Variants in CYREN observed in about 807,000 individuals in gnomAD.
The protein encoded by CYREN is cell cycle regulator of NHEJ, also known as cell cycle regulator of non-homologous end joining.
CYREN carries 7 observed loss-of-function variants against 9.7 expected under a neutral mutation model. The observed-to-expected ratio is 0.72, with a 90% confidence interval of 0.41 to 1.36. The LOEUF (loss-of-function observed/expected upper bound fraction) is 1.36. CYREN is among the 40% of genes most tolerant of loss of function. The pLI, the probability that CYREN is intolerant of heterozygous loss-of-function variation, is 0.01. For missense variants in CYREN, 215 were observed against 198.1 expected (o/e 1.09, Z -0.51); for synonymous variants, 76 against 77.9 (o/e 0.98, Z 0.13).
intron 3 of CYREN, 24 bp from the exon 4 acceptor site, chr7:135,166,895 G>T: frequency 6.2e-7 from 1 of 1,606,864 alleles, no homozygotes; most frequent in South Asian, 1.1e-5. Context: ...GAAAACGCAG[G>T]CTCAACATAC....
chr7:135,116,515 C>A (rs1287725163), intron 2 of CYREN, among the ~76,000 whole-genome samples: 1 of 152,160 alleles, frequency 6.6e-6, no homozygotes, highest in Non-Finnish European at 1.5e-5. Flanking sequence ...TGACACCAGC[C>A]CAATGGGGAG....
Position 135,125,115 on chromosome 7 carries a change from GT to G in CYREN, n.357-30534del, listed in dbSNP as rs879248351. Among the ~76,000 whole-genome samples the G allele has an allele frequency of 4.6e-5, 7 of 152,004 alleles. No homozygotes were observed. In the South Asian group the frequency reaches 1.5e-3, roughly 32 times the overall value. On this transcript the variant is annotated intron_variant and non_coding_transcript_variant, in intron 2 of 2. Coordinates refer to the CYREN transcript ENST00000459937. ...CCAAAAATCACTGACTCCAGCAGCT[GT>G]TTTTTTAAAAAAATTAACAAAATAG...
intron 2 of CYREN, chr7:135,115,930 A>C: frequency 5.2e-6 from 1 of 193,294 alleles, no homozygotes; most frequent in Non-Finnish European, 1.1e-5. Flanking sequence ...TTATAATCCT[A>C]TGGGGTAACC....
chr7:135,129,535 C>G (rs1325531074), intron 2 of CYREN: 2 of 772,210 alleles, frequency 2.6e-6, no homozygotes, highest in Non-Finnish European at 4.8e-6. Flanking sequence ...ATGACATGTA[C>G]TGGCTGTATG....
rs769303906 is a variant in CYREN, at chr7:135,168,966, G to A, written c.-44C>T. 9 of 1,497,204 alleles carry A rather than the reference G, an allele frequency of 6.0e-6. No homozygotes were observed. Among genetic ancestry groups the A allele is most frequent in the South Asian group, 1.3e-5 (1 of 75,560 alleles). 92.7% of individuals were successfully genotyped at this position (1,497,204 alleles called of 1,614,324 possible). Reference sequence around the variant, plus strand: ...AGAAGAGTCAGGGCCCAAGCTTAATGACCTGTTTTTTAATTCAGGAAGGTA... The same window carrying A: ...AGAAGAGTCAGGGCCCAAGCTTAATAACCTGTTTTTTAATTCAGGAAGGTA... On this transcript the variant is annotated 5_prime_UTR_variant, in exon 2 of 4. Coordinates refer to ENST00000393114, the MANE Select transcript of CYREN (RefSeq NM_024033.4).
rs761945250 is a variant in CYREN, at chr7:135,167,693, G to A, written c.213+39C>T. On this transcript the variant is annotated intron_variant, in intron 3 of 3. Transcript: ENST00000393114. ...CAAGGGTCTAGCCTCTGCCCATGCAGAGTTTCTGGTCATGAGTAAGAGGCT... is the reference window on the plus strand; with the variant it reads ...CAAGGGTCTAGCCTCTGCCCATGCAAAGTTTCTGGTCATGAGTAAGAGGCT... 19 of 1,612,076 alleles carry A rather than the reference G, an allele frequency of 1.2e-5. No homozygotes were observed. In the East Asian group the frequency reaches 3.8e-4, roughly 32 times the overall value.
intron 2 of CYREN, among the ~76,000 whole-genome samples, chr7:135,125,536 C>G (rs1229644511): frequency 6.6e-6 from 1 of 152,164 alleles, no homozygotes; most frequent in Non-Finnish European, 1.5e-5. Flanking sequence ...CTCCCTAACT[C>G]AATTTATGAA....
At chr7:135,112,167 A>T (rs774781238) in intron 2 of CYREN, among the ~76,000 whole-genome samples, 39 of 152,196 alleles carry the variant, frequency 2.6e-4, no homozygotes, top group Admixed American at 4.6e-4. Flanking sequence ...CCGCTAATTC[A>T]GACCCTCATT....
chr7:135,137,045 G>A (rs996200764), intron 2 of CYREN, among the ~76,000 whole-genome samples: 2 of 151,932 alleles, frequency 1.3e-5, no homozygotes, highest in African/African-American at 4.8e-5. Flanking sequence ...TCCTCCACCT[G>A]GCAGCCCCTA....
At chr7:135,155,287 A>C (rs966257830) in intron 2 of CYREN, among the ~76,000 whole-genome samples, 2 of 152,164 alleles carry the variant, frequency 1.3e-5, no homozygotes, top group African/African-American at 4.8e-5. Context: ...CACTCTGCCA[A>C]TCTGTATCTT....
In CYREN at chr7:135,170,633, T is replaced by G. The variant is rs932736865; in HGVS notation, c.-139+19A>C. 6.6e-6 allele frequency: 1 copy of G among 152,296 alleles called. No individual in the cohort carries two copies. The highest frequency in any genetic ancestry group is 2.4e-5 in the African/African-American group (1 of 41,454). 9.4% of individuals were successfully genotyped at this position (152,296 alleles called of 1,614,324 possible). A position where few individuals can be genotyped will look rare whatever the true frequency, so the allele number is the denominator to read the frequency against. On this transcript the variant is annotated intron_variant, in intron 1 of 3. Coordinates refer to ENST00000393114, the MANE Select transcript of CYREN (RefSeq NM_024033.4). ...AGCCGGGAGGCAAATTCCAAGCGGTTGTGGGACCCACGCCTCACCCGGAAC... is the reference window on the plus strand; with the variant it reads ...AGCCGGGAGGCAAATTCCAAGCGGTGGTGGGACCCACGCCTCACCCGGAAC...
At chr7:135,165,009 T>C, downstream of CYREN, 3 of 1,564,350 alleles carry the variant, frequency 1.9e-6, no homozygotes, top group Non-Finnish European at 2.6e-6. Context: ...AAGGCTTACG[T>C]GATTGCAAGG....
intron 2 of CYREN, among the ~76,000 whole-genome samples, chr7:135,109,464 C>T (rs1457752808): frequency 1.3e-5 from 2 of 152,058 alleles, no homozygotes; most frequent in African/African-American, 4.8e-5. Context: ...GGATGGGGGC[C>T]CACATAACAA....
intron 2 of CYREN, chr7:135,128,553 A>C (rs1190317990): frequency 1.3e-6 from 1 of 768,070 alleles, no homozygotes; most frequent in Non-Finnish European, 2.4e-6. Flanking sequence ...ACCAGGATCT[A>C]TTTGGATTTG....
chr7:135,120,430 AC>A (rs1298726744), intron 2 of CYREN, among the ~76,000 whole-genome samples: 2 of 152,248 alleles, frequency 1.3e-5, no homozygotes, highest in East Asian at 3.8e-4. Flanking sequence ...GTAGTATAAT[AC>A]AGCAACCACT....
intron 2 of CYREN, among the ~76,000 whole-genome samples, chr7:135,095,977 C>A (rs985538508): frequency 1.1e-4 from 16 of 152,110 alleles, no homozygotes; most frequent in African/African-American, 3.9e-4. Flanking sequence ...CATGGTGAAA[C>A]CCTGTCTCTA....
intron 2 of CYREN, among the ~76,000 whole-genome samples, chr7:135,124,656 G>C (rs930282438): frequency 3.3e-5 from 5 of 152,070 alleles, no homozygotes; most frequent in African/African-American, 1.2e-4. Context: ...AAGTAAAACA[G>C]TCCTCAACAA....
intron 2 of CYREN, 60 bp downstream of exon 2, chr7:135,168,726 A>G (rs1830424353): frequency 1.3e-6 from 2 of 1,581,528 alleles, no homozygotes; most frequent in East Asian, 4.6e-5. Context: ...GGCCCAGGTC[A>G]TGGAGGCCCC....
chr7:135,096,145 C>G (rs1822642906), intron 2 of CYREN, among the ~76,000 whole-genome samples: 1 of 116,896 alleles, frequency 8.6e-6, no homozygotes, highest in Non-Finnish European at 1.9e-5. Flanking sequence ...GAGACAGACT[C>G]TCTCTCAAAA....
Sources: allele counts gnomAD v4.1 joint callset (sites outside exome capture counted in the v4.1 genomes callset), GRCh38; gene constraint gnomAD v4.1.1; transcripts MANE v1.5; gene names NCBI Gene and HGNC (gene_info 2026-07-23, HGNC 2026-07-21).